PRR4: variants seen among roughly 807,000 people sequenced by gnomAD.
PRR4 encodes the protein proline rich 4.
In PRR4, 7 loss-of-function variants were observed where a neutral mutation model predicts 7.6. That is an observed-to-expected ratio of 0.92 (90% CI 0.52 to 1.73). The LOEUF (loss-of-function observed/expected upper bound fraction) is 1.73. Among genes scored for constraint, PRR4 ranks in the 40% most tolerant of loss-of-function variants. PRR4 has a pLI of 0.00. For missense variants in PRR4, 187 were observed against 161.0 expected, an observed-to-expected ratio of 1.16 and a Z score of -0.87; for synonymous variants, 64 against 58.5, an observed-to-expected ratio of 1.09 and a Z score of -0.43.
At position 10,847,214 on chromosome 12, in the gene PRR4, G is replaced by C. The variant is rs2232959; in HGVS notation, c.254C>G (p.Pro85Arg). The change falls in exon 3 of 4, where the codon CCA (proline) becomes CGA (arginine). Residue 85 changes from proline (P) to arginine (R), a missense_variant. Pro to Arg is a moderately radical substitution (Grantham distance 103). Transcript: ENST00000228811. ...TCGTTGCTGATTTTGAAAAGGAGGT[G>C]GGGGAGGATGGCGGTGATGGCCTCC... ...KPGGHHRHPP[P>R]PPFQNQQRPP... 13 of 1,613,618 alleles carry C rather than the reference G, an allele frequency of 8.1e-6. No homozygotes were observed. In the East Asian group the frequency reaches 1.8e-4, roughly 22 times the overall value.
Position 10,847,244 on chromosome 12 carries a change from T to G in PRR4, c.224A>C (p.Lys75Thr). The G allele has an allele frequency of 6.2e-7, 1 of 1,613,740 alleles. No individual in the cohort carries two copies. The change falls in exon 3 of 4, where the codon AAA (lysine) becomes ACA (threonine). Residue 75 changes from lysine (K) to threonine (T), a missense_variant. By Grantham distance (78) the Lys-to-Thr change is moderately conservative. Transcript: ENST00000228811. ...QDDGPQQRPP[K>T]PGGHHRHPPP... Reference sequence around the variant, plus strand: ...AGGATGGCGGTGATGGCCTCCTGGTTTTGGTGGTCTCTGCTGAGGACCATC... The same window carrying G: ...AGGATGGCGGTGATGGCCTCCTGGTGTTGGTGGTCTCTGCTGAGGACCATC...
rs1193730665 is a variant in PRR4 at position 10,849,374 on chromosome 12, C to T, written c.64G>A (p.Asp22Asn). 6.3e-7 allele frequency: 1 copy of T among 1,590,710 alleles called. No individual in the cohort carries two copies. The highest frequency in any genetic ancestry group is 1.8e-5 in the Admixed American group (1 of 55,666). ...ALSSAQSTDN[D>N]VNYEDFTFTI... ...TTTTTTAAAAAAATAATTTTTTTAC[C>T]ATTATCTGTGCTCTGAGCTGAGCTC... is the stretch of plus-strand genomic sequence containing the variant. Residue 22 changes from aspartate (D) to asparagine (N), a missense_variant and splice_region_variant, in exon 1 of 4, where the codon GAT becomes AAT. Asp to Asn is a conservative substitution (Grantham distance 23). Coordinates refer to ENST00000228811, the MANE Select transcript of PRR4 (RefSeq NM_007244.3).
intron 1 of PRR4, 62 bp from the exon 2 acceptor site, chr12:10,848,469 G>A (rs1949052435): frequency 6.6e-7 from 1 of 1,523,830 alleles, no homozygotes; most frequent in Non-Finnish European, 9.0e-7. Context: ...GGCTCATAGT[G>A]GTCTATAGGG....
Position 10,847,124 on chromosome 12 carries a change from G to A in PRR4, c.344C>T (p.Ala115Val), listed in dbSNP as rs1440129332. 2.5e-6 allele frequency: 4 copies of A among 1,613,000 alleles called. No homozygotes were observed. The Admixed American group carries it at 5.0e-5, about 20-fold the overall frequency. Residue 115 changes from alanine to valine, a missense_variant, in exon 3 of 4, where the codon GCA becomes GTA. By Grantham distance (64) the Ala-to-Val change is moderately conservative. Coordinates refer to ENST00000228811, the MANE Select transcript of PRR4 (RefSeq NM_007244.3). ...TCTGTCCCTCTGGAAGAATGATGATGCTTCCTGCAGGCTGACAGAAGGAAA... is the reference window on the plus strand; with the variant it reads ...TCTGTCCCTCTGGAAGAATGATGATACTTCCTGCAGGCTGACAGAAGGAAA... ...PRFPSVSLQE[A>V]SSFFQRDRPA... is the part of the protein sequence containing the mutation.
In PRR4 at chr12:10,847,059, T is replaced by C; in HGVS notation, c.*4A>G. ...TGGAATCATACCTGCCACTGAATTC[T>C]AGATTACCAGAGTGGTTGCTCCTGG... On this transcript the variant is annotated 3_prime_UTR_variant, in exon 3 of 4. Transcript: ENST00000228811. 6.4e-7 allele frequency: 1 copy of C among 1,562,978 alleles called. No individual in the cohort carries two copies.
rs775699700 is a variant in PRR4, at chr12:10,847,216, G to T, written c.252C>A (p.Pro84=). 2.8e-5 allele frequency: 45 copies of T among 1,613,694 alleles called. No homozygotes were observed. In the South Asian group the frequency reaches 4.8e-4, roughly 17 times the overall value. The change falls in exon 3 of 4, where the codon CCC becomes CCA. Residue 84 remains proline (P), a synonymous_variant. Coordinates refer to ENST00000228811, the MANE Select transcript of PRR4 (RefSeq NM_007244.3). ...PKPGGHHRHP[P]PPPFQNQQRP... is the part of the protein sequence containing the mutation. Reference sequence around the variant, plus strand: ...GTTGCTGATTTTGAAAAGGAGGTGGGGGAGGATGGCGGTGATGGCCTCCTG... The same window carrying T: ...GTTGCTGATTTTGAAAAGGAGGTGGTGGAGGATGGCGGTGATGGCCTCCTG...
At position 10,849,473 on chromosome 12, in the gene PRR4, GT is replaced by G. The variant is rs1565432286; in HGVS notation, c.-37del. The stretch of plus-strand genomic sequence containing the variant: ...GCTCTGGAGTTGCTCCCAACTCTGC[GT>G]TGAGAGAAACATGGCAGCTCCCTTT... On this transcript the variant is annotated 5_prime_UTR_variant, in exon 1 of 4. Coordinates refer to ENST00000228811, the MANE Select transcript of PRR4 (RefSeq NM_007244.3). 3.3e-6 allele frequency: 5 copies of G among 1,523,810 alleles called. No homozygotes were observed. The highest frequency in any genetic ancestry group is 1.9e-5 in the Admixed American group (1 of 51,854). 94.4% of individuals were successfully genotyped at this position (1,523,810 alleles called of 1,614,324 possible). A position where few individuals can be genotyped will look rare whatever the true frequency, so the allele number is the denominator to read the frequency against.
intron 1 of PRR4, chr12:10,849,020 G>A (rs868757126): frequency 2.2e-4 from 35 of 158,282 alleles, no homozygotes; most frequent in African/African-American, 7.4e-4. Context: ...GATTACTGTA[G>A]CATCTTCATA....
Position 10,847,270 on chromosome 12 carries a change from A to G in PRR4, c.198T>C (p.Asp66=), listed in dbSNP as rs758383493. The change falls in exon 3 of 4, where the codon GAT becomes GAC. Residue 66 remains aspartate (D), a synonymous_variant. Coordinates refer to ENST00000228811, the MANE Select transcript of PRR4 (RefSeq NM_007244.3). ...TTGGTGGTCTCTGCTGAGGACCATC[A>G]TCTTGGTTACCACTATCACCAGGGG... The part of the protein sequence containing the change: ...PRPPGDSGNQ[D]DGPQQRPPKP... 11 of 1,612,050 alleles carry G rather than the reference A, an allele frequency of 6.8e-6. No individual in the cohort carries two copies. In the East Asian group the frequency reaches 2.2e-4, roughly 33 times the overall value.
In PRR4 at chr12:10,847,227, G is replaced by A. The variant is rs763607237; in HGVS notation, c.241C>T (p.Arg81Cys). 72 of 1,613,674 alleles carry A rather than the reference G, an allele frequency of 4.5e-5. No homozygotes were observed. Among genetic ancestry groups the A allele is most frequent in the Non-Finnish European group, 5.5e-5 (65 of 1,179,838 alleles). Residue 81 changes from arginine to cysteine, a missense_variant, in exon 3 of 4, where the codon CGC becomes TGC. Physicochemically the swap from Arg to Cys is radical, Grantham distance 180 (BLOSUM62 -3). Transcript: ENST00000228811. ...TGAAAAGGAGGTGGGGGAGGATGGCGGTGATGGCCTCCTGGTTTTGGTGGT... is the reference window on the plus strand; with the variant it reads ...TGAAAAGGAGGTGGGGGAGGATGGCAGTGATGGCCTCCTGGTTTTGGTGGT... ...QRPPKPGGHHRHPPPPPFQNQ... is the reference protein window; with the variant it reads ...QRPPKPGGHHCHPPPPPFQNQ...
At chr12:10,847,956 A>G (rs1949043340) in intron 2 of PRR4, among the ~76,000 whole-genome samples, 2 of 152,224 alleles carry the variant, frequency 1.3e-5, no homozygotes, top group Non-Finnish European at 2.9e-5. Context: ...AAAGACATTC[A>G]TGCAGTGATT....
At chr12:10,849,327 C>T in intron 1 of PRR4, 47 bp downstream of exon 1, 1 of 1,290,468 alleles carries the variant, frequency 7.7e-7, no homozygotes, top group Non-Finnish European at 1.1e-6. Flanking sequence ...AGTCATGGCC[C>T]CTCATCCCAC....
chr12:10,848,513 C>T, intron 1 of PRR4, 106 bp from the exon 2 acceptor site: 1 of 996,332 alleles, frequency 1.0e-6, no homozygotes, highest in Non-Finnish European at 1.5e-6. Flanking sequence ...TGTGCATCCC[C>T]TAAGTTACCT....
intron 1 of PRR4, 157 bp from the exon 2 acceptor site, chr12:10,848,564 A>G: frequency 3.4e-6 from 2 of 585,266 alleles, no homozygotes; most frequent in Non-Finnish European, 2.9e-6. Context: ...GGGGAGGAAG[A>G]TGTTAGGGGA....
intron 1 of PRR4, 49 bp from the exon 2 acceptor site, chr12:10,848,456 CAGGGCTCA>C (rs1565431537): frequency 6.3e-7 from 1 of 1,580,582 alleles, no homozygotes; most frequent in Non-Finnish European, 8.7e-7. Context: ...ATAAATCTTT[CAGGGCTCA>C]TAGTGGTCTA....
At chr12:10,846,580 A>T (rs1384475519) in intron 3 of PRR4, among the ~76,000 whole-genome samples, 1 of 152,170 alleles carries the variant, frequency 6.6e-6, no homozygotes, top group Non-Finnish European at 1.5e-5. Context: ...TATTTTAAAA[A>T]TTAAATAAGA....
chr12:10,848,415 A>G lies in PRR4; in HGVS notation c.65-8T>C, dbSNP rs1949051298. On this transcript the variant is annotated splice_region_variant and splice_polypyrimidine_tract_variant and intron_variant, in intron 1 of 3. Transcript: ENST00000228811. The stretch of plus-strand genomic sequence containing the variant: ...AGTCTTCATAGTTCACATCTAGGAA[A>G]AGAAGCACAGGATGAAGTGAACATT... The G allele has an allele frequency of 1.1e-5, 17 of 1,611,268 alleles. No individual in the cohort carries two copies. Among genetic ancestry groups the G allele is most frequent in the Non-Finnish European group, 1.4e-5 (17 of 1,177,630 alleles).
chr12:10,847,622 T>C (rs1466444121), intron 2 of PRR4, among the ~76,000 whole-genome samples: 1 of 151,256 alleles, frequency 6.6e-6, no homozygotes, highest in East Asian at 1.9e-4. Flanking sequence ...GAGGGGTTCT[T>C]GCATATCTTA....
Position 10,847,128 on chromosome 12 carries a change from C to G in PRR4, c.340G>C (p.Glu114Gln). ...LPRFPSVSLQEASSFFQRDRP... is the reference protein window; with the variant it reads ...LPRFPSVSLQQASSFFQRDRP... The stretch of plus-strand genomic sequence containing the variant: ...TCCCTCTGGAAGAATGATGATGCTT[C>G]CTGCAGGCTGACAGAAGGAAATCGG... The change falls in exon 3 of 4, where the codon GAA (glutamate) becomes CAA (glutamine). Residue 114 changes from glutamate (E) to glutamine (Q), a missense_variant. By Grantham distance (29) the Glu-to-Gln change is conservative. Transcript: ENST00000228811. 6 of 1,613,204 alleles carry G rather than the reference C, an allele frequency of 3.7e-6. No homozygotes were observed. Among genetic ancestry groups the G allele is most frequent in the Non-Finnish European group, 4.2e-6 (5 of 1,179,496 alleles).
Sources: gnomAD v4.1 joint callset for allele counts (sites outside exome capture counted in the v4.1 genomes callset) on GRCh38, gnomAD v4.1.1 for gene constraint, MANE v1.5 for transcripts, NCBI Gene and HGNC (gene_info 2026-07-23, HGNC 2026-07-21) for gene names.